CDK8: variants seen among roughly 807,000 people sequenced by gnomAD.
CDK8 encodes the protein cyclin dependent kinase 8, also known as cyclin-dependent kinase 8.
Under a neutral mutation model 71.5 loss-of-function variants are expected in CDK8, and 29 were observed. The ratio of observed to expected loss-of-function variants is 0.41; its 90% CI spans 0.30 to 0.55. The LOEUF (loss-of-function observed/expected upper bound fraction) is 0.55. CDK8 is among the 20% of genes least tolerant of loss of function. The pLI is 0.37. For synonymous variants in CDK8, 161 were observed against 192.1 expected (o/e 0.84, Z 1.34); for missense variants, 288 against 572.6 (o/e 0.50, Z 5.07).
chr13:26,311,626 C>T (rs1874287730), intron 1 of CDK8, among the ~76,000 whole-genome samples: 1 of 152,140 alleles, frequency 6.6e-6, no homozygotes, highest in African/African-American at 2.4e-5. Flanking sequence ...CTCATGGATA[C>T]AAAATAGTTA....
intron 1 of CDK8, among the ~76,000 whole-genome samples, chr13:26,326,332 G>A (rs562046551): frequency 6.5e-4 from 99 of 152,250 alleles, no homozygotes; most frequent in Non-Finnish European, 1.2e-3. Context: ...GACTCATACA[G>A]ACAGTGACTA....
In CDK8 at chr13:26,400,542, T is replaced by C; in HGVS notation, c.1023T>C (p.Pro341=). Residue 341 remains proline, a synonymous_variant, in exon 10 of 13, where the codon CCT becomes CCC. Transcript: ENST00000381527. ...CCTATTTCTTAGAAGACCCACTTCC[T>C]ACATCAGAGTAAGTGGCCTAGTTGG... is the stretch of plus-strand genomic sequence containing the variant. The part of the protein sequence containing the change: ...QDPYFLEDPL[P]TSDVFAGCQI... 1 of 1,599,796 alleles carries C rather than the reference T, an allele frequency of 6.3e-7. No individual in the cohort carries two copies. Among genetic ancestry groups the C allele is most frequent in the African/African-American group, 1.3e-5 (1 of 74,742 alleles).
At chr13:26,337,007 C>T (rs1205013105) in intron 1 of CDK8, among the ~76,000 whole-genome samples, 1 of 152,024 alleles carries the variant, frequency 6.6e-6, no homozygotes, top group African/African-American at 2.4e-5. Flanking sequence ...AAAGAAGGAA[C>T]TTGTTGTATC....
chr13:26,282,268 A>G (rs530154776), intron 1 of CDK8, among the ~76,000 whole-genome samples: 2 of 152,326 alleles, frequency 1.3e-5, no homozygotes, highest in South Asian at 2.1e-4. Context: ...CATAGTTATC[A>G]GGTTATCTAA....
intron 4 of CDK8, among the ~76,000 whole-genome samples, chr13:26,363,693 C>G (rs1874254592): frequency 6.6e-6 from 1 of 152,040 alleles, no homozygotes; most frequent in African/African-American, 2.4e-5. Flanking sequence ...CTTTTTAAAT[C>G]TGATAGTGTT....
intron 1 of CDK8, among the ~76,000 whole-genome samples, chr13:26,287,783 A>G (rs1320239485): frequency 6.6e-6 from 1 of 152,196 alleles, no homozygotes; most frequent in Non-Finnish European, 1.5e-5. Context: ...AAGAAGTCAA[A>G]AGTAATAATA....
At chr13:26,264,964 T>C (rs1356755083) in intron 1 of CDK8, among the ~76,000 whole-genome samples, 2 of 152,224 alleles carry the variant, frequency 1.3e-5, no homozygotes, top group African/African-American at 4.8e-5. Context: ...ACATTTTCTT[T>C]ATCCATTAAT....
rs1486775554 is a variant in CDK8, at chr13:26,401,337, AAGG to A, written c.1103_1105del (p.Gly368del). 6.2e-7 allele frequency: 1 copy of A among 1,614,058 alleles called. No homozygotes were observed. Among genetic ancestry groups the A allele is most frequent in the Admixed American group, 1.7e-5 (1 of 60,032 alleles). On this transcript the variant is annotated inframe_deletion, in exon 11 of 13. Coordinates refer to ENST00000381527, the MANE Select transcript of CDK8 (RefSeq NM_001260.3). The surrounding 1 kb of genome is among the most constrained non-coding windows in gnomAD (Gnocchi z 4.5). ...TTAACGGAAGAAGAACCTGATGACA[AAGG>A]AGACAAAGTAAGTATTAAAGTACTG...
At chr13:26,295,986 C>G (rs1565961627) in intron 1 of CDK8, among the ~76,000 whole-genome samples, 1 of 152,036 alleles carries the variant, frequency 6.6e-6, no homozygotes, top group African/African-American at 2.4e-5. Flanking sequence ...ATTCAATACT[C>G]TGGCTACACC....
intron 1 of CDK8, among the ~76,000 whole-genome samples, chr13:26,327,681 T>G (rs1452580886): frequency 3.3e-5 from 5 of 152,030 alleles, no homozygotes; most frequent in Non-Finnish European, 1.5e-5. Flanking sequence ...ATACAAAAAT[T>G]AGCTGGGTGT....
intron 4 of CDK8, chr13:26,359,724 C>T: frequency 2.3e-6 from 1 of 433,972 alleles, no homozygotes; most frequent in Admixed American, 2.5e-5. Flanking sequence ...TTCTTCTTTT[C>T]TTTTTTTTGA....
chr13:26,339,269 A>G (rs1244696065), intron 2 of CDK8, among the ~76,000 whole-genome samples: 1 of 152,046 alleles, frequency 6.6e-6, no homozygotes, highest in Non-Finnish European at 1.5e-5. Context: ...AGTCTATGAT[A>G]TACTCAATTA....
intron 1 of CDK8, among the ~76,000 whole-genome samples, chr13:26,267,968 T>C (rs1402329349): frequency 6.6e-6 from 1 of 152,126 alleles, no homozygotes; most frequent in Non-Finnish European, 1.5e-5. Context: ...CTGATCACCA[T>C]GCTCAAGTAC....
At chr13:26,379,617 A>G (rs1224436352) in intron 4 of CDK8, among the ~76,000 whole-genome samples, 1 of 152,180 alleles carries the variant, frequency 6.6e-6, no homozygotes, top group Admixed American at 6.5e-5. Context: ...GGAAGGAGAA[A>G]AAAAGATGGT....
At chr13:26,296,701 T>G (rs1873576681) in intron 1 of CDK8, among the ~76,000 whole-genome samples, 1 of 152,144 alleles carries the variant, frequency 6.6e-6, no homozygotes, top group Non-Finnish European at 1.5e-5. Flanking sequence ...CAAAGAGCAT[T>G]TATAACTTAT....
At chr13:26,369,159 C>T (rs570194434) in intron 4 of CDK8, among the ~76,000 whole-genome samples, 6 of 151,786 alleles carry the variant, frequency 4.0e-5, no homozygotes, top group South Asian at 2.1e-4. Context: ...CAGCCAGGGG[C>T]GGCAGCTCAT....
At chr13:26,368,540 A>G (rs1207674116) in intron 4 of CDK8, among the ~76,000 whole-genome samples, 2 of 152,208 alleles carry the variant, frequency 1.3e-5, no homozygotes. Flanking sequence ...GCTGAGACAC[A>G]TCTTGCTTTC....
At chr13:26,314,940 T>C (rs1306549596) in intron 1 of CDK8, among the ~76,000 whole-genome samples, 1 of 152,152 alleles carries the variant, frequency 6.6e-6, no homozygotes, top group South Asian at 2.1e-4. Flanking sequence ...CAATTTAATA[T>C]TGCTAGCAAA....
intron 2 of CDK8, among the ~76,000 whole-genome samples, chr13:26,338,611 A>G (rs1325999373): frequency 6.6e-6 from 1 of 152,126 alleles, no homozygotes; most frequent in East Asian, 1.9e-4. Flanking sequence ...TAGGGGTGAG[A>G]TGGAGGATAT....
Sources: gnomAD v4.1 joint callset for allele counts (sites outside exome capture counted in the v4.1 genomes callset) on GRCh38, gnomAD v4.1.1 for gene constraint, Gnocchi (gnomAD v3.1) non-coding constraint, MANE v1.5 for transcripts, NCBI Gene and HGNC (gene_info 2026-07-23, HGNC 2026-07-21) for gene names.